The following CEP295 variants were observed in gnomAD, a reference collection of about 807,000 sequenced individuals.
The protein encoded by CEP295 is centrosomal protein 295.
Under a neutral mutation model 291.6 loss-of-function variants are expected in CEP295, and 190 were observed. That is an observed-to-expected ratio of 0.65 (90% confidence interval 0.58 to 0.73). The LOEUF (loss-of-function observed/expected upper bound fraction) is 0.73. Ranked by LOEUF, CEP295 falls within the 30% of genes least tolerant of loss-of-function variation. The probability of loss-of-function intolerance (pLI) is 0.00; values close to 1 mark genes in which losing one functional copy is unlikely to be tolerated. For missense variants in CEP295, 2,863 were observed against 2,949.4 expected, an observed-to-expected ratio of 0.97 and a Z score of 0.68; for synonymous variants, 993 against 1,038.8, an observed-to-expected ratio of 0.96 and a Z score of 0.85.
rs201673327 is a variant in CEP295, at chr11:93,668,886, A to G, written c.388A>G (p.Lys130Glu). 32 of 1,379,270 alleles carry G rather than the reference A, an allele frequency of 2.3e-5. No homozygotes were observed. The highest frequency in any genetic ancestry group is 1.8e-4 in the Middle Eastern group (1 of 5,414). 85.4% of individuals were successfully genotyped at this position (1,379,270 alleles called of 1,614,324 possible). The change falls in exon 4 of 30, where the codon AAA (lysine) becomes GAA (glutamate). Residue 130 changes from lysine to glutamate, a missense_variant. Around this residue, in one of 3 missense-constraint regions of CEP295, gnomAD observed 554 missense variants for 576.0 expected, o/e 0.96. Coordinates refer to ENST00000325212, the MANE Select transcript of CEP295 (RefSeq NM_033395.2). ...KADLRHKEAL[K>E]VQKNQKEILL... Reference sequence around the variant, plus strand: ...AGATTTGAGGCATAAAGAAGCCTTGAAAGTACAGAAAAATCAAAAAGAAAT... The same window carrying G: ...AGATTTGAGGCATAAAGAAGCCTTGGAAGTACAGAAAAATCAAAAAGAAAT...
rs1219418270 is a variant in CEP295, at chr11:93,691,895, G to A, written c.1430-32G>A. ...AGTGGTGTCAAAATTCTAAATTATT[G>A]AAACTAATTTTTGTTTGGGGCATTC... On this transcript the variant is annotated intron_variant, in intron 11 of 29. Transcript: ENST00000325212. 7.8e-6 allele frequency: 11 copies of A among 1,408,584 alleles called. No individual in the cohort carries two copies. In the East Asian group the frequency reaches 2.5e-4, roughly 32 times the overall value. The allele number at this position is 1,408,584 out of a possible 1,614,324, so 87.3% of individuals were successfully genotyped here.
intron 6 of CEP295, among the ~76,000 whole-genome samples, chr11:93,677,208 T>C (rs1950738380): frequency 6.6e-6 from 1 of 152,090 alleles, no homozygotes; most frequent in South Asian, 2.1e-4. Context: ...GCACAATAAT[T>C]TTAGCATCTT....
chr11:93,727,180 TAAG>T lies in CEP295; in HGVS notation c.6705_6707del (p.Leu2235_Ser2236delinsPhe), dbSNP rs1954212791. On this transcript the variant is annotated inframe_deletion, in exon 24 of 30. Transcript: ENST00000325212. ...CATTTCCAGCTTTCTATAGGAAACT[TAAG>T]TTCAGTCTACAGTTCATCTGATGAA... 6.4e-7 allele frequency: 1 copy of T among 1,550,956 alleles called. No homozygotes were observed. The highest frequency in any genetic ancestry group is 2.4e-5 in the East Asian group (1 of 40,904).
chr11:93,729,610 G>A lies in CEP295; in HGVS notation c.7400-4G>A. On this transcript the variant is annotated splice_polypyrimidine_tract_variant and splice_region_variant and intron_variant, in intron 26 of 29. Transcript: ENST00000325212. The stretch of plus-strand genomic sequence containing the variant: ...TCTGTCATAAATTTCTTTTCCCCCA[G>A]CAGAAACCCCTCGCAGGCTTACACC... The A allele has an allele frequency of 1.9e-6, 3 of 1,550,032 alleles. No individual in the cohort carries two copies. Among genetic ancestry groups the A allele is most frequent in the Non-Finnish European group, 2.6e-6 (3 of 1,146,356 alleles).
At chr11:93,716,953 A>T (rs1591130023) in intron 18 of CEP295, among the ~76,000 whole-genome samples, 1 of 152,364 alleles carries the variant, frequency 6.6e-6, no homozygotes, top group South Asian at 2.1e-4. Flanking sequence ...GAGAACAGGA[A>T]TCTATAAAAT....
Position 93,696,230 on chromosome 11 carries a change from G to T in CEP295, c.1672-90G>T. 4.3e-6 allele frequency: 3 copies of T among 693,922 alleles called. No individual in the cohort carries two copies. In the Admixed American group the frequency reaches 8.7e-5, roughly 20 times the overall value. The allele number at this position is 693,922 out of a possible 1,614,324, so 43.0% of individuals were successfully genotyped here. A position where few individuals can be genotyped will look rare whatever the true frequency, so the allele number is the denominator to read the frequency against. On this transcript the variant is annotated intron_variant, in intron 13 of 29. Coordinates refer to ENST00000325212, the MANE Select transcript of CEP295 (RefSeq NM_033395.2). ...CATTTTATAAAAAATAAAGCTGTAT[G>T]GAAGTTTACAATTATAGAACTGTAT...
chr11:93,718,916 C>T (rs912241985), intron 18 of CEP295, among the ~76,000 whole-genome samples: 17 of 152,176 alleles, frequency 1.1e-4, no homozygotes, highest in Admixed American at 2.6e-4. Context: ...CGAGACCAGC[C>T]TGGCCAATAT....
At chr11:93,704,810 C>T (rs1373411904) in intron 17 of CEP295, among the ~76,000 whole-genome samples, 1 of 152,116 alleles carries the variant, frequency 6.6e-6, no homozygotes, top group Non-Finnish European at 1.5e-5. Flanking sequence ...AAAGGTATAA[C>T]ATAAAACAGC....
intron 18 of CEP295, among the ~76,000 whole-genome samples, chr11:93,718,655 A>G (rs552581674): frequency 1.5e-4 from 23 of 152,244 alleles, no homozygotes; most frequent in Non-Finnish European, 2.8e-4. Context: ...TGTAATTATT[A>G]TTAGTGAATT....
chr11:93,708,661 A>G (rs1182880509), intron 18 of CEP295, among the ~76,000 whole-genome samples: 2 of 152,196 alleles, frequency 1.3e-5, no homozygotes, highest in Non-Finnish European at 2.9e-5. Flanking sequence ...TCTTTTGAGT[A>G]TATACCTAGC....
At chr11:93,726,845 T>G (rs957004948) in intron 23 of CEP295, 131 bp from the exon 24 acceptor site, 2 of 653,692 alleles carry the variant, frequency 3.1e-6, no homozygotes, top group East Asian at 5.6e-5. Flanking sequence ...TATTCATGTT[T>G]ATACACATCA....
At chr11:93,689,735 A>T (rs1413863246) in intron 10 of CEP295, among the ~76,000 whole-genome samples, 5 of 152,030 alleles carry the variant, frequency 3.3e-5, no homozygotes, top group African/African-American at 9.7e-5. Flanking sequence ...CTTAATGCCT[A>T]CCCCACCCAT....
At chr11:93,702,261 A>G (rs1183782236) in intron 15 of CEP295, among the ~76,000 whole-genome samples, 199 bp from the exon 16 acceptor site, 4 of 152,122 alleles carry the variant, frequency 2.6e-5, no homozygotes, top group Non-Finnish European at 5.9e-5. Flanking sequence ...GCCTGGCCGA[A>G]TGGTTGTATT....
chr11:93,712,844 T>G (rs1211048429), intron 18 of CEP295, among the ~76,000 whole-genome samples: 1 of 130,114 alleles, frequency 7.7e-6, no homozygotes, highest in Non-Finnish European at 1.6e-5. Context: ...TTCCTACTTT[T>G]CTTTCTTCTG....
chr11:93,690,729 C>CAAA (rs10608060), intron 10 of CEP295, among the ~76,000 whole-genome samples: 9 of 68,354 alleles, frequency 1.3e-4, no homozygotes, highest in African/African-American at 3.4e-4. Flanking sequence ...GACTCCGTCT[C>CAAA]AAAAAAAAAA....
At chr11:93,693,856 G>A (rs1951719072) in intron 12 of CEP295, among the ~76,000 whole-genome samples, 1 of 152,242 alleles carries the variant, frequency 6.6e-6, no homozygotes, top group African/African-American at 2.4e-5. Flanking sequence ...TTATATCTAT[G>A]TACAGTATGT....
chr11:93,687,798 A>G lies in CEP295; in HGVS notation c.1269A>G (p.Lys423=), dbSNP rs946259276. The part of the protein sequence containing the change: ...MITTVSEIES[K]APTVESGTIA... The stretch of plus-strand genomic sequence containing the variant: ...CGACTGTTAGTGAAATTGAGAGTAA[A>G]GCACCAACGGTTGAGTCAGGAACAA... Residue 423 remains lysine, a synonymous_variant, in exon 10 of 30, where the codon AAA becomes AAG. Transcript: ENST00000325212. 1.3e-6 allele frequency: 2 copies of G among 1,551,312 alleles called. No individual in the cohort carries two copies. Among genetic ancestry groups the G allele is most frequent in the African/African-American group, 2.7e-5 (2 of 73,034 alleles).
chr11:93,720,899 G>A (rs2135305953), intron 18 of CEP295, among the ~76,000 whole-genome samples: 1 of 152,088 alleles, frequency 6.6e-6, no homozygotes, highest in Non-Finnish European at 1.5e-5. Flanking sequence ...ACCTGGCCCT[G>A]GTGTTTTCTT....
chr11:93,683,591 G>C lies in CEP295; in HGVS notation c.798G>C (p.Gln266His). Reference sequence around the variant, plus strand: ...AGAAACTAATGAAAGAACTCAAACAGCTACAGCAAGAGGACCTGGCACGTA... The same window carrying C: ...AGAAACTAATGAAAGAACTCAAACACCTACAGCAAGAGGACCTGGCACGTA... The part of the protein sequence containing the change: ...NQEKLMKELK[Q>H]LQQEDLARRR... Residue 266 changes from glutamine to histidine, a missense_variant, in exon 8 of 30, where the codon CAG becomes CAC. Transcript: ENST00000325212. 1 of 1,530,020 alleles carries C rather than the reference G, an allele frequency of 6.5e-7. No individual in the cohort carries two copies. Among genetic ancestry groups the C allele is most frequent in the South Asian group, 1.3e-5 (1 of 79,208 alleles). 94.8% of individuals were successfully genotyped at this position (1,530,020 alleles called of 1,614,324 possible). A position where few individuals can be genotyped will look rare whatever the true frequency, so the allele number is the denominator to read the frequency against.
Sources: gnomAD v4.1 joint callset for allele counts (sites outside exome capture counted in the v4.1 genomes callset) on GRCh38, gnomAD v4.1.1 for gene constraint, gnomAD v4.1.1 regional missense constraint, MANE v1.5 for transcripts, NCBI Gene and HGNC (gene_info 2026-07-23, HGNC 2026-07-21) for gene names.